Variants in EIF4A1 observed in about 807,000 individuals in gnomAD.
EIF4A1 encodes the protein eukaryotic translation initiation factor 4A1, also known as eukaryotic initiation factor 4A-I.
In EIF4A1, 11 loss-of-function variants were observed where a neutral mutation model predicts 53.5. The ratio of observed to expected loss-of-function variants is 0.21; its 90% CI spans 0.13 to 0.34. The LOEUF is 0.34. Among genes scored for constraint, EIF4A1 ranks in the 10% least tolerant of loss-of-function variants. The pLI is 1.00. For missense variants in EIF4A1, 213 were observed against 530.8 expected (o/e 0.40, Z 5.88); for synonymous variants, 237 against 186.7 (o/e 1.27, Z -2.20).
rs375103403 is a variant in EIF4A1, at chr17:7,573,822, C to T, written c.24-438C>T. 16 of 161,174 alleles carry T rather than the reference C, an allele frequency of 9.9e-5. No homozygotes were observed. In the South Asian group the frequency reaches 2.4e-3, roughly 24 times the overall value. 10.0% of individuals were successfully genotyped at this position (161,174 alleles called of 1,614,324 possible). A position where few individuals can be genotyped will look rare whatever the true frequency, so the allele number is the denominator to read the frequency against. On this transcript the variant is annotated intron_variant, in intron 1 of 10. Coordinates refer to ENST00000293831, the MANE Select transcript of EIF4A1 (RefSeq NM_001416.4). Reference sequence around the variant, plus strand: ...CGGCTGGAGGGAGTGGGGGAGGGCGCGGGCGGGATGACGTGGGGGGAAGGG... The same window carrying T: ...CGGCTGGAGGGAGTGGGGGAGGGCGTGGGCGGGATGACGTGGGGGGAAGGG...
chr17:7,575,417 C>A, intron 4 of EIF4A1, 159 bp downstream of exon 4: 1 of 1,068,632 alleles, frequency 9.4e-7, no homozygotes, highest in Non-Finnish European at 1.4e-6. Context: ...TATTTCTTAC[C>A]CAAACGTAAC....
Position 7,578,991 on chromosome 17 carries a change from T to A in EIF4A1, c.*505T>A, listed in dbSNP as rs1366780936. Reference sequence around the variant, plus strand: ...AACAAACACAAAATTCTGAATAAAATGACTTGGAAACTGCCTGTTTGGGCT... The same window carrying A: ...AACAAACACAAAATTCTGAATAAAAAGACTTGGAAACTGCCTGTTTGGGCT... On this transcript the variant is annotated 3_prime_UTR_variant, in exon 11 of 11. Coordinates refer to ENST00000293831, the MANE Select transcript of EIF4A1 (RefSeq NM_001416.4). 1 of 154,454 alleles carries A rather than the reference T, an allele frequency of 6.5e-6. No individual in the cohort carries two copies. The highest frequency in any genetic ancestry group is 1.4e-5 in the Non-Finnish European group (1 of 69,290). 9.6% of individuals were successfully genotyped at this position (154,454 alleles called of 1,614,324 possible).
chr17:7,572,917 C>T (rs770670798), intron 1 of EIF4A1, 53 bp downstream of exon 1: 3 of 1,614,070 alleles, frequency 1.9e-6, no homozygotes, highest in Admixed American at 1.7e-5. Flanking sequence ...CGCCCCCTTC[C>T]GACGGGCCCG....
At chr17:7,575,019 G>A in intron 3 of EIF4A1, 100 bp from the exon 4 acceptor site, 4 of 1,490,770 alleles carry the variant, frequency 2.7e-6, no homozygotes, top group Non-Finnish European at 3.7e-6. Flanking sequence ...GCCATGAAAT[G>A]CTTGGTTCAT....
rs1567735262 is a variant in EIF4A1, at chr17:7,577,517, TAGTG to T, written c.768+34_768+37del. On this transcript the variant is annotated intron_variant, in intron 7 of 10. Transcript: ENST00000293831. This position sits in a 1 kb window ranked among gnomAD's most constrained non-coding sequence, Gnocchi z 4.7. ...GGCCCAGTGCAGGAGGCGGGCCTGG[TAGTG>T]AGTTGTTGGGTATAGCCCCTGACTG... The T allele has an allele frequency of 5.0e-6, 8 of 1,613,400 alleles. No homozygotes were observed. Among genetic ancestry groups the T allele is most frequent in the Non-Finnish European group, 5.9e-6 (7 of 1,179,676 alleles).
chr17:7,573,033 C>T (rs2071344876), intron 1 of EIF4A1, among the ~76,000 whole-genome samples, 169 bp downstream of exon 1: 1 of 152,110 alleles, frequency 6.6e-6, no homozygotes, highest in Non-Finnish European at 1.5e-5. Context: ...CCGACGCGGC[C>T]ACCAGGTCGA....
Position 7,578,695 on chromosome 17 carries a change from T to A in EIF4A1, c.*209T>A. The A allele has an allele frequency of 7.8e-6, 3 of 384,022 alleles. No individual in the cohort carries two copies. The highest frequency in any genetic ancestry group is 4.2e-5 in the East Asian group (1 of 24,032). 23.8% of individuals were successfully genotyped at this position (384,022 alleles called of 1,614,324 possible). A position where few individuals can be genotyped will look rare whatever the true frequency, so the allele number is the denominator to read the frequency against. On this transcript the variant is annotated 3_prime_UTR_variant, in exon 11 of 11. Coordinates refer to ENST00000293831, the MANE Select transcript of EIF4A1 (RefSeq NM_001416.4). ...GGCTCTTGCCCCAGGCGCCGGCTCT[T>A]CTCCCAAAAAAAAAAAAAAAACACT...
intron 4 of EIF4A1, chr17:7,576,264 T>C (rs942342399): frequency 5.5e-6 from 2 of 363,406 alleles, no homozygotes; most frequent in Non-Finnish European, 9.8e-6. Context: ...GTAAAGAAAC[T>C]GAATTAATTA....
chr17:7,577,752 G>A lies in EIF4A1; in HGVS notation c.906+46G>A. On this transcript the variant is annotated intron_variant, in intron 8 of 10. Transcript: ENST00000293831. This position sits in a 1 kb window ranked among gnomAD's most constrained non-coding sequence, Gnocchi z 4.7. ...CCTGTTGTGGGTCTGCCCGTCAGAA[G>A]TGTCCTACTTGAAGCCAGGGTTCCT... 6.2e-7 allele frequency: 1 copy of A among 1,613,942 alleles called. No homozygotes were observed. Among genetic ancestry groups the A allele is most frequent in the Middle Eastern group, 1.6e-4 (1 of 6,062 alleles).
intron 4 of EIF4A1, chr17:7,575,637 A>G (rs537025529): frequency 8.3e-6 from 3 of 361,486 alleles, no homozygotes; most frequent in East Asian, 6.9e-5. Flanking sequence ...TGCCTGGGGC[A>G]CACACAATTC....
At chr17:7,574,875 C>T (rs1400411576) in intron 3 of EIF4A1, 197 bp downstream of exon 3, 2 of 1,094,352 alleles carry the variant, frequency 1.8e-6, no homozygotes, top group East Asian at 2.3e-5. Context: ...GGTATTGTAG[C>T]CAGCTTATAT....
chr17:7,576,773 A>G, intron 5 of EIF4A1, 81 bp downstream of exon 5: 1 of 1,552,054 alleles, frequency 6.4e-7, no homozygotes, highest in Non-Finnish European at 8.7e-7. Flanking sequence ...AGCCAGAGTC[A>G]TTCCCAAGGA....
chr17:7,574,119 AT>A (rs2071366621), intron 1 of EIF4A1, 140 bp from the exon 2 acceptor site: 8 of 936,552 alleles, frequency 8.5e-6, no homozygotes, highest in African/African-American at 1.7e-5. Flanking sequence ...TCCTTTGGGT[AT>A]TTTTTGGGAG....
At chr17:7,573,050 G>A (rs556673746) in intron 1 of EIF4A1, among the ~76,000 whole-genome samples, 186 bp downstream of exon 1, 1 of 152,300 alleles carries the variant, frequency 6.6e-6, no homozygotes, top group Admixed American at 6.5e-5. Flanking sequence ...TCGAGGCGGA[G>A]GGTAGGGACA....
chr17:7,575,668 G>A (rs907420368), intron 4 of EIF4A1: 2 of 327,480 alleles, frequency 6.1e-6, no homozygotes, highest in Non-Finnish European at 1.2e-5. Context: ...CTTTTTCCTG[G>A]GTCATGCTGC....
Position 7,577,181 on chromosome 17 carries a change from C to A in EIF4A1, c.624+16C>A. On this transcript the variant is annotated intron_variant, in intron 6 of 10. Transcript: ENST00000293831. The surrounding 1 kb of genome is among the most constrained non-coding windows in gnomAD (Gnocchi z 4.7). ...CAACACCCAGGTGAGGGCAGTCTTG[C>A]TTGAATAGCTAATGATTCTTGAAAA... 1 of 1,581,594 alleles carries A rather than the reference C, an allele frequency of 6.3e-7. No individual in the cohort carries two copies. Among genetic ancestry groups the A allele is most frequent in the Non-Finnish European group, 8.6e-7 (1 of 1,167,286 alleles).
intron 9 of EIF4A1, 47 bp from the exon 10 acceptor site, chr17:7,578,118 A>G: frequency 1.2e-6 from 2 of 1,612,534 alleles, no homozygotes; most frequent in Non-Finnish European, 1.7e-6. Context: ...CCTCCGGGAT[A>G]GAGTGTCCTC....
At chr17:7,574,222 G>A (rs770179510) in intron 1 of EIF4A1, 38 bp from the exon 2 acceptor site, 9 of 1,613,324 alleles carry the variant, frequency 5.6e-6, no homozygotes, top group South Asian at 1.1e-5. Context: ...GAGTGCTTCG[G>A]TCGGGCAGGG....
Position 7,577,668 on chromosome 17 carries a change from G to A in EIF4A1, c.868G>A (p.Glu290Lys). Reference protein sequence around the residue: ...NTRRKVDWLTEKMHARDFTVS... With the variant: ...NTRRKVDWLTKKMHARDFTVS... ...CCGGAGGAAGGTGGACTGGCTCACC[G>A]AGAAGATGCATGCTCGAGATTTCAC... Residue 290 changes from glutamate (E) to lysine (K), a missense_variant, in exon 8 of 11, where the codon GAG becomes AAG. Around this residue, in one of 4 missense-constraint regions of EIF4A1, gnomAD observed 119 missense variants for 351.0 expected, o/e 0.34. Transcript: ENST00000293831. This position sits in a 1 kb window ranked among gnomAD's most constrained non-coding sequence, Gnocchi z 4.7. 1.2e-6 allele frequency: 2 copies of A among 1,612,592 alleles called. No homozygotes were observed. Among genetic ancestry groups the A allele is most frequent in the Non-Finnish European group, 1.7e-6 (2 of 1,179,948 alleles).
Sources: gnomAD v4.1 joint callset for allele counts (sites outside exome capture counted in the v4.1 genomes callset) on GRCh38, gnomAD v4.1.1 for gene constraint, gnomAD v4.1.1 regional missense constraint, Gnocchi (gnomAD v3.1) non-coding constraint, MANE v1.5 for transcripts, NCBI Gene and HGNC (gene_info 2026-07-23, HGNC 2026-07-21) for gene names.